Variants in SAMD3 observed in about 807,000 individuals in gnomAD.
SAMD3 encodes the protein sterile alpha motif domain-containing protein 3.
A neutral mutation model predicts 58.5 loss-of-function variants in SAMD3; 63 were observed. That is an observed-to-expected ratio of 1.08 (90% CI 0.88 to 1.33). SAMD3 has a LOEUF of 1.33. SAMD3 is among the 40% of genes most tolerant of loss of function. The probability of loss-of-function intolerance (pLI) is 0.00; values close to 1 mark genes in which losing one functional copy is unlikely to be tolerated. For missense variants in SAMD3, 604 were observed against 608.4 expected, an observed-to-expected ratio of 0.99 and a Z score of 0.08; for synonymous variants, 220 against 210.3, an observed-to-expected ratio of 1.05 and a Z score of -0.40.
chr6:130,268,511 C>T (rs1292642084), intron 2 of SAMD3, among the ~76,000 whole-genome samples: 1 of 152,178 alleles, frequency 6.6e-6, no homozygotes, highest in African/African-American at 2.4e-5. Flanking sequence ...CACTCACTCA[C>T]CCACTCATAC....
At position 130,261,658 on chromosome 6, in the gene SAMD3, T is replaced by G. The variant is rs113958725; in HGVS notation, c.-187-38845A>C. Among the ~76,000 whole-genome samples the G allele has an allele frequency of 8.2e-3, 1,245 of 152,236 alleles. 18 individuals are homozygous for G. The highest frequency in any genetic ancestry group is 0.029 in the African/African-American group (1,189 of 41,528). The stretch of plus-strand genomic sequence containing the variant: ...TCAGGCACAAATAAGCTCACCCTAC[T>G]AGGAACTATGTTGAAAAATTTCAAA... On this transcript the variant is annotated intron_variant, in intron 2 of 13. Transcript: ENST00000368134.
intron 2 of SAMD3, among the ~76,000 whole-genome samples, chr6:130,241,620 T>C (rs1193037078): frequency 6.6e-6 from 1 of 152,052 alleles, no homozygotes; most frequent in African/African-American, 2.4e-5. Flanking sequence ...CTTACTAATA[T>C]ATAAGAAAAT....
At position 130,199,872 on chromosome 6, in the gene SAMD3, G is replaced by A. The variant is rs1479958015; in HGVS notation, c.383+9623C>T. ...CTTTTAATTTATGTTTTATAGCCCAGGGCTCTCACACCTGGCAATAAATTT... is the reference window on the plus strand; with the variant it reads ...CTTTTAATTTATGTTTTATAGCCCAAGGCTCTCACACCTGGCAATAAATTT... On this transcript the variant is annotated intron_variant, in intron 5 of 11. Transcript: ENST00000439090. Among the ~76,000 whole-genome samples, 6 of 152,060 alleles carry A rather than the reference G, an allele frequency of 3.9e-5. No homozygotes were observed. The East Asian group carries it at 9.6e-4, about 24-fold the overall frequency.
chr6:130,274,394 G>T (rs561024620), intron 2 of SAMD3, among the ~76,000 whole-genome samples: 1 of 152,172 alleles, frequency 6.6e-6, no homozygotes, highest in Non-Finnish European at 1.5e-5. Context: ...GGGAGGGACT[G>T]TCTGGAAAAT....
intron 2 of SAMD3, among the ~76,000 whole-genome samples, chr6:130,258,683 A>G (rs1043119215): frequency 6.6e-5 from 10 of 152,034 alleles, no homozygotes; most frequent in Admixed American, 1.3e-4. Context: ...TCACCCAGCA[A>G]CCACTCATCT....
intron 8 of SAMD3, among the ~76,000 whole-genome samples, chr6:130,167,251 C>T (rs4897372): frequency 0.79 from 119,445 of 152,088 alleles, 47,847 homozygotes; most frequent in East Asian, 0.98. Context: ...AGAACACATT[C>T]TGGAACATTT....
intron 8 of SAMD3, among the ~76,000 whole-genome samples, chr6:130,157,133 T>C (rs2114597641): frequency 6.6e-6 from 1 of 151,466 alleles, no homozygotes; most frequent in South Asian, 2.1e-4. Context: ...ATTACAACAG[T>C]TCCATAATTT....
chr6:130,178,893 G>A (rs908335374), intron 7 of SAMD3, among the ~76,000 whole-genome samples: 22 of 152,172 alleles, frequency 1.4e-4, no homozygotes, highest in Admixed American at 2.6e-4. Context: ...GTATGCATGA[G>A]TCAGAGGTGC....
chr6:130,150,563 T>G (rs1019273317), intron 9 of SAMD3, among the ~76,000 whole-genome samples: 10 of 152,182 alleles, frequency 6.6e-5, no homozygotes, highest in Admixed American at 3.9e-4. Context: ...ATCATTTCTT[T>G]CGGCAATTCT....
intron 5 of SAMD3, among the ~76,000 whole-genome samples, chr6:130,189,976 T>C (rs1057201989): frequency 2.0e-5 from 3 of 152,298 alleles, no homozygotes; most frequent in African/African-American, 7.2e-5. Flanking sequence ...GTAGTATTTC[T>C]GGACTCAAAG....
intron 1 of SAMD3, among the ~76,000 whole-genome samples, chr6:130,318,439 T>A (rs1206330364): frequency 6.6e-6 from 1 of 152,232 alleles, no homozygotes; most frequent in Non-Finnish European, 1.5e-5. Context: ...TTTTTAATTT[T>A]TTATTTTGAG....
At chr6:130,269,347 T>A (rs1480989977) in intron 2 of SAMD3, among the ~76,000 whole-genome samples, 1 of 152,208 alleles carries the variant, frequency 6.6e-6, no homozygotes, top group African/African-American at 2.4e-5. Context: ...TGGGGCTGGA[T>A]ATTCTTTTTT....
intron 5 of SAMD3, among the ~76,000 whole-genome samples, chr6:130,189,443 A>C (rs1052211043): frequency 2.0e-5 from 3 of 152,234 alleles, no homozygotes; most frequent in African/African-American, 7.2e-5. Flanking sequence ...TTCTATGTTT[A>C]GGTCACCAAG....
intron 1 of SAMD3, among the ~76,000 whole-genome samples, chr6:130,364,085 C>T (rs1325991591): frequency 6.6e-6 from 1 of 152,106 alleles, no homozygotes; most frequent in African/African-American, 2.4e-5. Context: ...GGCCATTTTA[C>T]CCGCCTCTTC....
intron 9 of SAMD3, among the ~76,000 whole-genome samples, chr6:130,147,762 A>G (rs1788766211): frequency 6.6e-6 from 1 of 152,226 alleles, no homozygotes; most frequent in Non-Finnish European, 1.5e-5. Context: ...CCAGGATCCC[A>G]TATGAGATTT....
At chr6:130,349,166 G>T (rs1271858145) in intron 1 of SAMD3, among the ~76,000 whole-genome samples, 1 of 152,148 alleles carries the variant, frequency 6.6e-6, no homozygotes, top group Non-Finnish European at 1.5e-5. Flanking sequence ...ACAATTAAAA[G>T]AACTAGAGAA....
chr6:130,281,217 A>G (rs1774969717), intron 2 of SAMD3, among the ~76,000 whole-genome samples: 1 of 152,236 alleles, frequency 6.6e-6, no homozygotes, highest in Non-Finnish European at 1.5e-5. Context: ...ATGGAAAGCA[A>G]TACTGTGTAT....
At chr6:130,365,540 C>A (rs1043076577), upstream of SAMD3, 24 of 985,224 alleles carry the variant, frequency 2.4e-5, no homozygotes, top group Non-Finnish European at 2.5e-5. Flanking sequence ...CAGGGTCCTG[C>A]GGTGCCTGCT....
intron 2 of SAMD3, chr6:130,216,055 G>T (rs1795987234): frequency 5.1e-6 from 2 of 388,626 alleles, no homozygotes; most frequent in Non-Finnish European, 9.2e-6. Flanking sequence ...AAATTGGAAA[G>T]TAATTATTTA....
Sources: allele counts gnomAD v4.1 joint callset (sites outside exome capture counted in the v4.1 genomes callset), GRCh38; gene constraint gnomAD v4.1.1; transcripts MANE v1.5; gene names NCBI Gene and HGNC (gene_info 2026-07-23, HGNC 2026-07-21).